ZNF318: variants seen among roughly 807,000 people sequenced by gnomAD.
ZNF318 encodes the protein endocrine regulator.
In ZNF318, 51 loss-of-function variants were observed where a neutral mutation model predicts 124.2. The ratio of observed to expected loss-of-function variants is 0.41; its 90% confidence interval spans 0.33 to 0.52. The LOEUF is 0.52. Among genes scored for constraint, ZNF318 ranks in the 20% least tolerant of loss-of-function variants. ZNF318 has a pLI of 0.23. For missense variants in ZNF318, 2,815 were observed against 2,811.2 expected, an observed-to-expected ratio of 1.00 and a Z score of -0.03; for synonymous variants, 1,090 against 1,040.7, an observed-to-expected ratio of 1.05 and a Z score of -0.91.
At chr6:43,356,512 G>C (rs1360014868) in intron 3 of ZNF318, among the ~76,000 whole-genome samples, 1 of 152,148 alleles carries the variant, frequency 6.6e-6, no homozygotes, top group Non-Finnish European at 1.5e-5. Context: ...GGAAACTCTG[G>C]AACGCTAACT....
In ZNF318 at chr6:43,338,349, T is replaced by C. The variant is rs751807333; in HGVS notation, c.5649A>G (p.Thr1883=). The change falls in exon 10 of 10, where the codon ACA becomes ACG. Residue 1883 remains threonine (T), a synonymous_variant. Transcript: ENST00000361428. ...ACTCTGGGGCAGAAATTTTCACAGG[T>C]GTATCTTGTGGGTTGAGTAAAGACC... The part of the protein sequence containing the change: ...EARSLLNPQD[T]PVKISAPELL... 4 of 1,614,078 alleles carry C rather than the reference T, an allele frequency of 2.5e-6. No individual in the cohort carries two copies. Among genetic ancestry groups the C allele is most frequent in the Admixed American group, 3.3e-5 (2 of 60,010 alleles).
chr6:43,338,877 G>GATATATCCTTCC lies in ZNF318; in HGVS notation c.5120_5121insGGAAGGATATAT (p.Asp1707delinsGluGluGlyTyrIle), dbSNP rs1245672570. 2.5e-6 allele frequency: 4 copies of GATATATCCTTCC among 1,613,972 alleles called. No individual in the cohort carries two copies. Among genetic ancestry groups the GATATATCCTTCC allele is most frequent in the African/African-American group, 1.3e-5 (1 of 74,904 alleles). Reference sequence around the variant, plus strand: ...TCTCTGGAGATATATCCCTACTAGTGTCACTCTGGAAGGAACTAGAGGTCC... The same window carrying GATATATCCTTCC: ...TCTCTGGAGATATATCCCTACTAGTGATATATCCTTCCTCACTCTGGAAGGAACTAGAGGTCC... On this transcript the variant is annotated protein_altering_variant, in exon 10 of 10. Coordinates refer to ENST00000361428, the MANE Select transcript of ZNF318 (RefSeq NM_014345.3).
chr6:43,363,566 C>G, intron 2 of ZNF318: 2 of 295,616 alleles, frequency 6.8e-6, no homozygotes, highest in South Asian at 9.6e-5. Context: ...GGCCACGGAG[C>G]TCGTGGAGGC....
At chr6:43,352,139 G>T (rs896840859) in intron 5 of ZNF318, among the ~76,000 whole-genome samples, 1 of 58,910 alleles carries the variant, frequency 1.7e-5, no homozygotes, top group African/African-American at 1.9e-4. Flanking sequence ...GCAAAACTTC[G>T]TCTCAAATCA....
At chr6:43,349,625 C>T (rs1779499636) in intron 5 of ZNF318, among the ~76,000 whole-genome samples, 1 of 152,144 alleles carries the variant, frequency 6.6e-6, no homozygotes, top group African/African-American at 2.4e-5. Flanking sequence ...AGTCCAAACC[C>T]AGACAGAAGC....
chr6:43,369,498 C>T lies in ZNF318; in HGVS notation c.-133G>A, dbSNP rs968555832. 7.4e-6 allele frequency: 5 copies of T among 679,108 alleles called. No homozygotes were observed. The African/African-American group carries it at 7.8e-5, about 11-fold the overall frequency. 42.1% of individuals were successfully genotyped at this position (679,108 alleles called of 1,614,324 possible). ...CGCCGCCTCAGCCGCGGGAGCAGCC[C>T]CCTCCCCTCGGCCCCGCGTCGCCCC... On this transcript the variant is annotated 5_prime_UTR_variant, in exon 1 of 10. Coordinates refer to ENST00000361428, the MANE Select transcript of ZNF318 (RefSeq NM_014345.3).
In ZNF318 at chr6:43,356,052, A is replaced by C; in HGVS notation, c.1282T>G (p.Phe428Val). ...SLPLSGAIAA[F>V]ASEIENKGTM... The stretch of plus-strand genomic sequence containing the variant: ...CCCTTGTTTTCAATCTCTGAGGCAA[A>C]AGCAGCAATAGCACCACTTAGTGGA... The change falls in exon 4 of 10, where the codon TTT (phenylalanine) becomes GTT (valine). Residue 428 changes from phenylalanine (F) to valine (V), a missense_variant. Physicochemically the swap from Phe to Val is conservative, Grantham distance 50. This residue lies in a region of ZNF318 where 1,377 missense variants were observed against 1,353.5 expected (regional missense o/e 1.02). Transcript: ENST00000361428. 4 of 1,614,140 alleles carry C rather than the reference A, an allele frequency of 2.5e-6. No individual in the cohort carries two copies. The highest frequency in any genetic ancestry group is 3.4e-6 in the Non-Finnish European group (4 of 1,180,018).
Position 43,369,473 on chromosome 6 carries a change from C to T in ZNF318, c.-108G>A, listed in dbSNP as rs1252336519. The T allele has an allele frequency of 1.1e-6, 1 of 940,474 alleles. No homozygotes were observed. The highest frequency in any genetic ancestry group is 1.3e-6 in the Non-Finnish European group (1 of 760,082). The allele number at this position is 940,474 out of a possible 1,614,324, so 58.3% of individuals were successfully genotyped here. A position where few individuals can be genotyped will look rare whatever the true frequency, so the allele number is the denominator to read the frequency against. On this transcript the variant is annotated 5_prime_UTR_variant, in exon 1 of 10. Coordinates refer to ENST00000361428, the MANE Select transcript of ZNF318 (RefSeq NM_014345.3). ...AGCCGCCGCCACCTCGGCCGCTGCG[C>T]GCCGCCTCAGCCGCGGGAGCAGCCC...
chr6:43,343,300 G>T (rs1303172867), intron 6 of ZNF318, among the ~76,000 whole-genome samples: 1 of 152,006 alleles, frequency 6.6e-6, no homozygotes, highest in Non-Finnish European at 1.5e-5. Context: ...AGCTAGGGAG[G>T]GAAGAAAAAC....
chr6:43,338,447 C>A lies in ZNF318; in HGVS notation c.5551G>T (p.Val1851Leu). 2 of 1,614,200 alleles carry A rather than the reference C, an allele frequency of 1.2e-6. No individual in the cohort carries two copies. Among genetic ancestry groups the A allele is most frequent in the Non-Finnish European group, 1.7e-6 (2 of 1,180,038 alleles). Reference sequence around the variant, plus strand: ...GCCTGTGGACTCAATTTGATCACTACTTTACTTGGAGTTTCACTTCCTGTC... The same window carrying A: ...GCCTGTGGACTCAATTTGATCACTAATTTACTTGGAGTTTCACTTCCTGTC... Reference protein sequence around the residue: ...LMTGSETPSKVVIKLSPQACS... With the variant: ...LMTGSETPSKLVIKLSPQACS... Residue 1851 changes from valine to leucine, a missense_variant, in exon 10 of 10, where the codon GTA becomes TTA. Coordinates refer to ENST00000361428, the MANE Select transcript of ZNF318 (RefSeq NM_014345.3).
chr6:43,340,006 G>A lies in ZNF318; in HGVS notation c.3992C>T (p.Ala1331Val). 6.2e-7 allele frequency: 1 copy of A among 1,614,210 alleles called. No homozygotes were observed. The highest frequency in any genetic ancestry group is 1.3e-5 in the African/African-American group (1 of 75,050). The stretch of plus-strand genomic sequence containing the variant: ...AACAGGCATCCAAGGGCTGGTATGT[G>A]CAACAACAGTTTTCCCAGAGAGCTT... ...KIKLSGKTVV[A>V]HTSPWMPVVT... Residue 1331 changes from alanine (A) to valine (V), a missense_variant, in exon 10 of 10, where the codon GCA becomes GTA. Physicochemically the swap from Ala to Val is moderately conservative, Grantham distance 64. Coordinates refer to ENST00000361428, the MANE Select transcript of ZNF318 (RefSeq NM_014345.3).
chr6:43,352,720 G>C (rs1184123505), intron 4 of ZNF318, among the ~76,000 whole-genome samples: 1 of 152,184 alleles, frequency 6.6e-6, no homozygotes. Context: ...AGGATCTAGG[G>C]CACTGATAGC....
chr6:43,347,956 A>G (rs1462529048), intron 6 of ZNF318, among the ~76,000 whole-genome samples: 1 of 152,212 alleles, frequency 6.6e-6, no homozygotes, highest in Non-Finnish European at 1.5e-5. Flanking sequence ...TTTGAGAAGT[A>G]AAATGTATTT....
intron 2 of ZNF318, among the ~76,000 whole-genome samples, chr6:43,359,502 A>G (rs1052546221): frequency 7.9e-5 from 12 of 152,264 alleles, no homozygotes; most frequent in Non-Finnish European, 1.6e-4. Context: ...TGAATAAAAA[A>G]TAAAAGTTCT....
Position 43,337,961 on chromosome 6 carries a change from C to A in ZNF318, c.6037G>T (p.Ala2013Ser), listed in dbSNP as rs371279136. ...GGCATATCCCCCAGATTCCCCAGGG[C>A]AGTAAGCTCCTCTACCTTTAAGTCT... The part of the protein sequence containing the change: ...ATDLKVEELT[A>S]LGNLGDMPVD... The change falls in exon 10 of 10, where the codon GCC becomes TCC. Residue 2013 changes from alanine to serine, a missense_variant. Coordinates refer to ENST00000361428, the MANE Select transcript of ZNF318 (RefSeq NM_014345.3). 1.2e-6 allele frequency: 2 copies of A among 1,614,216 alleles called. No individual in the cohort carries two copies. Among genetic ancestry groups the A allele is most frequent in the African/African-American group, 1.3e-5 (1 of 75,052 alleles).
At chr6:43,359,221 T>C (rs1398918724) in intron 2 of ZNF318, among the ~76,000 whole-genome samples, 1 of 152,218 alleles carries the variant, frequency 6.6e-6, no homozygotes, top group African/African-American at 2.4e-5. Flanking sequence ...ACAAGCACTC[T>C]GCTAATCTTG....
chr6:43,348,357 T>C lies in ZNF318; in HGVS notation c.3039A>G (p.Lys1013=). The C allele has an allele frequency of 1.2e-6, 2 of 1,611,280 alleles. No individual in the cohort carries two copies. Among genetic ancestry groups the C allele is most frequent in the Non-Finnish European group, 1.7e-6 (2 of 1,179,138 alleles). Reference sequence around the variant, plus strand: ...AGGAGGAGTTTGAGAACGATGACACTTTTTCTGGGCTCTTAGATTTTTCTG... The same window carrying C: ...AGGAGGAGTTTGAGAACGATGACACCTTTTCTGGGCTCTTAGATTTTTCTG... ...GKAEKSKSPE[K]VSSFSNSSSN... The change falls in exon 6 of 10, where the codon AAA becomes AAG. Residue 1013 remains lysine (K), a synonymous_variant. Coordinates refer to ENST00000361428, the MANE Select transcript of ZNF318 (RefSeq NM_014345.3).
At chr6:43,365,153 G>A (rs966379677) in intron 2 of ZNF318, 139 bp downstream of exon 2, 9 of 827,710 alleles carry the variant, frequency 1.1e-5, no homozygotes, top group African/African-American at 5.2e-5. Context: ...CTATCCCAGC[G>A]TTTTATTTTG....
intron 1 of ZNF318, 112 bp from the exon 2 acceptor site, chr6:43,365,552 T>C: frequency 1.9e-6 from 2 of 1,069,472 alleles, no homozygotes; most frequent in Non-Finnish European, 2.7e-6. Context: ...CATGCCTGTA[T>C]ACCCAACACT....
Sources: gnomAD v4.1 joint callset for allele counts (sites outside exome capture counted in the v4.1 genomes callset) on GRCh38, gnomAD v4.1.1 for gene constraint, gnomAD v4.1.1 regional missense constraint, MANE v1.5 for transcripts, NCBI Gene and HGNC (gene_info 2026-07-23, HGNC 2026-07-21) for gene names.